NFIB: variants seen among roughly 807,000 people sequenced by gnomAD.
The protein encoded by NFIB is nuclear factor I B, also known as nuclear factor 1 B-type.
A neutral mutation model predicts 61.5 loss-of-function variants in NFIB; 11 were observed. The ratio of observed to expected loss-of-function variants is 0.18; its 90% CI spans 0.11 to 0.30. The LOEUF is 0.30. NFIB is among the 10% of genes least tolerant of loss of function. The probability of loss-of-function intolerance (pLI) is 1.00; values close to 1 mark genes in which losing one functional copy is unlikely to be tolerated. For synonymous variants in NFIB, 260 were observed against 216.5 expected (o/e 1.20, Z -1.76); for missense variants, 471 against 608.9 (o/e 0.77, Z 2.38).
intron 2 of NFIB, among the ~76,000 whole-genome samples, chr9:14,198,346 T>C (rs949724485): frequency 5.3e-5 from 8 of 152,126 alleles, no homozygotes; most frequent in African/African-American, 1.9e-4. Context: ...CATCCTAAAA[T>C]TTAGAGTTTA....
chr9:14,355,158 G>C (rs1168523717), intron 1 of NFIB, among the ~76,000 whole-genome samples: 1 of 152,184 alleles, frequency 6.6e-6, no homozygotes, highest in African/African-American at 2.4e-5. Flanking sequence ...AATCACCCTT[G>C]ATACCTCAGA....
chr9:14,330,558 T>G (rs1326199625), intron 1 of NFIB, among the ~76,000 whole-genome samples: 1 of 152,242 alleles, frequency 6.6e-6, no homozygotes, highest in Admixed American at 6.5e-5. Context: ...ATGTCTGTTG[T>G]AAAATTCTTA....
chr9:14,189,073 G>T (rs749108498), intron 2 of NFIB, among the ~76,000 whole-genome samples: 12 of 152,156 alleles, frequency 7.9e-5, no homozygotes, highest in Non-Finnish European at 1.8e-4. Context: ...GTCCTGAACA[G>T]CATTTATGTT....
At chr9:14,234,114 A>G (rs1308141382) in intron 2 of NFIB, among the ~76,000 whole-genome samples, 1 of 152,174 alleles carries the variant, frequency 6.6e-6, no homozygotes, top group African/African-American at 2.4e-5. Context: ...CAGTCCTGTG[A>G]CTTATTGAAC....
At chr9:14,522,383 A>G in the NFIB span, among the ~76,000 whole-genome samples, 5 of 152,226 alleles carry the variant, frequency 3.3e-5, no homozygotes, top group Admixed American at 2.0e-4. Context: ...TTTGGTGCCA[A>G]TAAAATGAAT....
chr9:14,279,864 T>G (rs1384817430), intron 2 of NFIB, among the ~76,000 whole-genome samples: 1 of 152,316 alleles, frequency 6.6e-6, no homozygotes, highest in Non-Finnish European at 1.5e-5. Flanking sequence ...ATGTTTAGAT[T>G]CCTTTTGCAT....
chr9:14,438,529 G>C, the NFIB span, among the ~76,000 whole-genome samples: 8 of 152,310 alleles, frequency 5.3e-5, no homozygotes, highest in African/African-American at 1.7e-4. Context: ...ATTTAACCAA[G>C]TCAGAAATCT....
At chr9:14,412,302 G>A in the NFIB span, among the ~76,000 whole-genome samples, 11 of 152,118 alleles carry the variant, frequency 7.2e-5, no homozygotes, top group African/African-American at 1.9e-4. Flanking sequence ...AACAATTTAC[G>A]CTTTCAGAAA....
chr9:14,180,193 T>C (rs564088741), intron 2 of NFIB, among the ~76,000 whole-genome samples: 1 of 152,326 alleles, frequency 6.6e-6, no homozygotes, highest in African/African-American at 2.4e-5. Context: ...AGTATGTTTT[T>C]ATTCAATGAG....
chr9:14,268,829 C>A (rs1588039583), intron 2 of NFIB, among the ~76,000 whole-genome samples: 1 of 152,056 alleles, frequency 6.6e-6, no homozygotes, highest in Non-Finnish European at 1.5e-5. Context: ...GTAGTAAGCA[C>A]AAAACAAATG....
intron 2 of NFIB, among the ~76,000 whole-genome samples, chr9:14,194,282 C>T (rs1302913880): frequency 6.6e-6 from 1 of 152,164 alleles, no homozygotes; most frequent in Admixed American, 6.6e-5. Flanking sequence ...CCACCCTTTA[C>T]TTTCCCCAAT....
chr9:14,495,445 A>ATTTTTT, the NFIB span, among the ~76,000 whole-genome samples: 39 of 98,128 alleles, frequency 4.0e-4, 2 homozygotes, highest in Non-Finnish European at 4.2e-4. Context: ...AGAGAAATGA[A>ATTTTTT]CTTTTTTTTT....
intron 1 of NFIB, among the ~76,000 whole-genome samples, chr9:14,377,382 T>C (rs1012795006): frequency 6.6e-6 from 1 of 152,142 alleles, no homozygotes; most frequent in Non-Finnish European, 1.5e-5. Flanking sequence ...CACCTGGCTA[T>C]TTTTTCTTTT....
At chr9:14,390,469 G>A (rs2061606727) in intron 1 of NFIB, among the ~76,000 whole-genome samples, 1 of 152,164 alleles carries the variant, frequency 6.6e-6, no homozygotes, top group Admixed American at 6.5e-5. Flanking sequence ...AACTAAAAGA[G>A]TAAACTCAAG....
At chr9:14,382,858 C>G (rs1347004620) in intron 1 of NFIB, among the ~76,000 whole-genome samples, 1 of 152,006 alleles carries the variant, frequency 6.6e-6, no homozygotes, top group Non-Finnish European at 1.5e-5. Flanking sequence ...GAAGAAAAAG[C>G]AAGCAAATAA....
chr9:14,424,257 A>T, the NFIB span, among the ~76,000 whole-genome samples: 2 of 152,184 alleles, frequency 1.3e-5, no homozygotes, highest in African/African-American at 4.8e-5. Context: ...ACAGAAGAAG[A>T]AATGTAGTGA....
chr9:14,389,042 G>C (rs147697068), intron 1 of NFIB, among the ~76,000 whole-genome samples: 1 of 152,210 alleles, frequency 6.6e-6, no homozygotes, highest in South Asian at 2.1e-4. Context: ...AGTGATCATA[G>C]TGTGTAGCTT....
chr9:14,511,200 A>G, the NFIB span, among the ~76,000 whole-genome samples: 1 of 152,208 alleles, frequency 6.6e-6, no homozygotes, highest in African/African-American at 2.4e-5. Context: ...TATAGAAGAA[A>G]AAAGTAACTA....
rs144309283 is a variant in NFIB, at chr9:14,106,336, T to C, written c.1467+6663A>G. 2.0e-5 allele frequency among the ~76,000 whole-genome samples: 3 copies of C among 152,208 alleles called. No homozygotes were observed. In the East Asian group the frequency reaches 5.8e-4, roughly 29 times the overall value. On this transcript the variant is annotated intron_variant, in intron 10 of 10. Transcript: ENST00000380953. ...CCTTTAATTTATATGCACATACCAA[T>C]ATGAAATTCTATTGTCTAGAAAATG...
Sources: allele counts gnomAD v4.1 joint callset (sites outside exome capture counted in the v4.1 genomes callset), GRCh38; gene constraint gnomAD v4.1.1; transcripts MANE v1.5; gene names NCBI Gene and HGNC (gene_info 2026-07-23, HGNC 2026-07-21).